The following KDM3B variants were observed in gnomAD, a reference collection of about 807,000 sequenced individuals.
KDM3B encodes the protein lysine-specific demethylase 3B.
A neutral mutation model predicts 170.0 loss-of-function variants in KDM3B; 10 were observed. That is an observed-to-expected ratio of 0.06 (90% CI 0.04 to 0.10). The LOEUF is 0.10. Ranked by LOEUF, KDM3B falls within the 10% of genes least tolerant of loss-of-function variation. The pLI is 1.00. For missense variants in KDM3B, 1,394 were observed against 2,195.2 expected, an observed-to-expected ratio of 0.64 and a Z score of 7.29; for synonymous variants, 831 against 834.8, an observed-to-expected ratio of 1.00 and a Z score of 0.08.
Position 138,358,656 on chromosome 5 carries a change from G to A in KDM3B, c.192+5669G>A, listed in dbSNP as rs1320624114. On this transcript the variant is annotated intron_variant, in intron 1 of 23. Coordinates refer to ENST00000314358, the MANE Select transcript of KDM3B (RefSeq NM_016604.4). ...GTCATCCAGGCTGGAGTACAGTGGT[G>A]CAGTCATAGCTCACTGCAGCCTCAA... 5.3e-5 allele frequency among the ~76,000 whole-genome samples: 8 copies of A among 151,792 alleles called. No homozygotes were observed. The East Asian group carries it at 1.5e-3, about 29-fold the overall frequency.
intron 1 of KDM3B, among the ~76,000 whole-genome samples, chr5:138,366,164 T>G (rs894029485): frequency 6.6e-6 from 1 of 152,132 alleles, no homozygotes; most frequent in Non-Finnish European, 1.5e-5. Context: ...TCTTTCCACA[T>G]TAGTCTATTA....
intron 1 of KDM3B, among the ~76,000 whole-genome samples, chr5:138,368,997 T>C (rs1761810991): frequency 6.6e-6 from 1 of 152,222 alleles, no homozygotes; most frequent in Non-Finnish European, 1.5e-5. Flanking sequence ...AGTGTTGTTC[T>C]TGTATTTGTG....
intron 23 of KDM3B, among the ~76,000 whole-genome samples, chr5:138,432,841 T>G (rs1477102749): frequency 6.6e-6 from 1 of 151,398 alleles, no homozygotes; most frequent in Admixed American, 6.6e-5. Flanking sequence ...GCCTCCTGGG[T>G]TCATGCCATT....
At chr5:138,386,773 T>A in intron 7 of KDM3B, 152 bp downstream of exon 7, 1 of 1,000,096 alleles carries the variant, frequency 1.0e-6, no homozygotes, top group Non-Finnish European at 1.4e-6. Context: ...TACTGCTCAC[T>A]GGGCAAATGT....
chr5:138,380,905 G>T, intron 5 of KDM3B, among the ~76,000 whole-genome samples: 1 of 146,868 alleles, frequency 6.8e-6, no homozygotes. Context: ...ACAGAGATTT[G>T]CTTTTGTTGC....
rs544467664 is a variant in KDM3B, at chr5:138,389,040, T to C, written c.1381-1973T>C. ...TGTATTTATTTTTAAAGGGTAACTT[T>C]AGGAGTGAAACATGAGCTACCCATG... On this transcript the variant is annotated intron_variant, in intron 7 of 23. Transcript: ENST00000314358. Among the ~76,000 whole-genome samples the C allele has an allele frequency of 2.2e-4, 34 of 152,364 alleles. No homozygotes were observed. In the South Asian group the frequency reaches 7.0e-3, roughly 32 times the overall value.
At chr5:138,392,597 C>A (rs1181702033) in intron 8 of KDM3B, among the ~76,000 whole-genome samples, 3 of 152,182 alleles carry the variant, frequency 2.0e-5, no homozygotes, top group Admixed American at 2.0e-4. Flanking sequence ...ATCCTCTTTA[C>A]TTCAGAGGGG....
chr5:138,424,094 G>A lies in KDM3B; in HGVS notation c.3992G>A (p.Ser1331Asn), dbSNP rs143453760. 1.3e-6 allele frequency: 2 copies of A among 1,574,692 alleles called. No homozygotes were observed. The highest frequency in any genetic ancestry group is 2.7e-5 in the African/African-American group (2 of 74,130). Reference sequence around the variant, plus strand: ...TGGCAGGGAGTGAAGAGCAAGGCCAGCCTACCCAACTTTCTTGACCACATC... The same window carrying A: ...TGGCAGGGAGTGAAGAGCAAGGCCAACCTACCCAACTTTCTTGACCACATC... ...TSSAGVKSKASLPNFLDHIIA... is the reference protein window; with the variant it reads ...TSSAGVKSKANLPNFLDHIIA... The change falls in exon 16 of 24, where the codon AGC becomes AAC. Residue 1331 changes from serine to asparagine, a missense_variant. This residue lies in a region of KDM3B where 137 missense variants were observed against 166.9 expected (regional missense o/e 0.82). Transcript: ENST00000314358.
chr5:138,361,395 G>C (rs1408576192), intron 1 of KDM3B, among the ~76,000 whole-genome samples: 1 of 150,888 alleles, frequency 6.6e-6, no homozygotes, highest in African/African-American at 2.4e-5. Context: ...CTAGGGGACT[G>C]ATTCTCTCTA....
At chr5:138,383,640 G>T (rs1762179700) in intron 6 of KDM3B, among the ~76,000 whole-genome samples, 1 of 152,192 alleles carries the variant, frequency 6.6e-6, no homozygotes, top group African/African-American at 2.4e-5. Flanking sequence ...CACTGATTGT[G>T]ATCTGCAACA....
At chr5:138,365,843 A>G (rs981733836) in intron 1 of KDM3B, among the ~76,000 whole-genome samples, 2 of 152,012 alleles carry the variant, frequency 1.3e-5, no homozygotes, top group African/African-American at 4.8e-5. Context: ...TACTAAAAAT[A>G]CAAAAATTAG....
intron 10 of KDM3B, among the ~76,000 whole-genome samples, chr5:138,398,684 C>G (rs948728851): frequency 3.3e-5 from 5 of 152,102 alleles, no homozygotes; most frequent in African/African-American, 4.8e-5. Flanking sequence ...GTTTGCCTCA[C>G]TCTGAATATT....
chr5:138,425,348 C>A, intron 16 of KDM3B, 63 bp from the exon 17 acceptor site: 1 of 1,520,860 alleles, frequency 6.6e-7, no homozygotes, highest in South Asian at 1.2e-5. Flanking sequence ...CCTATTCTGT[C>A]TCAGCCCTAG....
intron 11 of KDM3B, among the ~76,000 whole-genome samples, chr5:138,407,360 A>G (rs1406671700): frequency 6.6e-6 from 1 of 152,172 alleles, no homozygotes; most frequent in Non-Finnish European, 1.5e-5. Flanking sequence ...AATTCCCTCG[A>G]GAACAAATAG....
chr5:138,385,967 T>C, intron 6 of KDM3B, 55 bp from the exon 7 acceptor site: 1 of 1,538,932 alleles, frequency 6.5e-7, no homozygotes, highest in Non-Finnish European at 8.7e-7. Flanking sequence ...TAATGGTGTG[T>C]GGTATTCACA....
chr5:138,363,513 T>C (rs1000265951), intron 1 of KDM3B, among the ~76,000 whole-genome samples: 5 of 152,360 alleles, frequency 3.3e-5, no homozygotes, highest in African/African-American at 1.2e-4. Context: ...AAGTAATACA[T>C]GCCTATTATA....
chr5:138,395,691 A>G (rs775797213), intron 9 of KDM3B, among the ~76,000 whole-genome samples: 1 of 152,010 alleles, frequency 6.6e-6, no homozygotes, highest in Non-Finnish European at 1.5e-5. Flanking sequence ...GTCTTGGCTC[A>G]CTGCAACCTC....
At chr5:138,370,829 A>T (rs1761855288) in intron 1 of KDM3B, among the ~76,000 whole-genome samples, 1 of 150,274 alleles carries the variant, frequency 6.7e-6, no homozygotes, top group Admixed American at 6.6e-5. Flanking sequence ...TTTTTCCGAG[A>T]CAGAGTTTTG....
chr5:138,410,944 G>A (rs551542068), intron 11 of KDM3B, among the ~76,000 whole-genome samples: 2 of 152,342 alleles, frequency 1.3e-5, no homozygotes, highest in Non-Finnish European at 2.9e-5. Context: ...GGCGGACTAG[G>A]AGTGTGACCA....
Sources: gnomAD v4.1 joint callset for allele counts (sites outside exome capture counted in the v4.1 genomes callset) on GRCh38, gnomAD v4.1.1 for gene constraint, gnomAD v4.1.1 regional missense constraint, MANE v1.5 for transcripts, NCBI Gene and HGNC (gene_info 2026-07-23, HGNC 2026-07-21) for gene names.